Variants in KCNIP1 observed in about 807,000 individuals in gnomAD.
KCNIP1 encodes potassium voltage-gated channel interacting protein 1.
KCNIP1 carries 18 observed loss-of-function variants against 33.0 expected under a neutral mutation model. That is an observed-to-expected ratio of 0.55 (90% CI 0.38 to 0.81). The LOEUF (loss-of-function observed/expected upper bound fraction) is 0.81, where lower values mean the gene tolerates loss of function less well. KCNIP1 is among the 30% of genes least tolerant of loss of function. The probability of loss-of-function intolerance (pLI) is 0.00; values close to 1 mark genes in which losing one functional copy is unlikely to be tolerated. For missense variants in KCNIP1, 238 were observed against 271.6 expected (o/e 0.88, Z 0.87); for synonymous variants, 93 against 98.3 (o/e 0.95, Z 0.32).
At chr5:170,519,484 A>G (rs1032148224) in intron 1 of KCNIP1, among the ~76,000 whole-genome samples, 3 of 152,208 alleles carry the variant, frequency 2.0e-5, no homozygotes, top group African/African-American at 7.2e-5. Flanking sequence ...GCCCTAGGGA[A>G]GTATTTCTGC....
At chr5:170,552,636 A>C (rs1756690862) in intron 1 of KCNIP1, among the ~76,000 whole-genome samples, 1 of 152,124 alleles carries the variant, frequency 6.6e-6, no homozygotes, top group South Asian at 2.1e-4. Context: ...GGACCACAGG[A>C]AATGCAGGAA....
chr5:170,493,194 C>T (rs985454357), intron 1 of KCNIP1, among the ~76,000 whole-genome samples: 18 of 152,108 alleles, frequency 1.2e-4, no homozygotes, highest in African/African-American at 2.4e-4. Flanking sequence ...CCACCAAATG[C>T]GAGCTCCCCC....
chr5:170,353,906 T>C (rs1157174587), exon 1 of KCNIP1: 1 of 1,614,086 alleles, frequency 6.2e-7, no homozygotes, highest in African/African-American at 1.3e-5. Context: ...GATGCAAGCT[T>C]GGGTTCGTGA....
At chr5:170,538,848 A>G (rs1165205693) in intron 1 of KCNIP1, among the ~76,000 whole-genome samples, 1 of 151,460 alleles carries the variant, frequency 6.6e-6, no homozygotes, top group African/African-American at 2.4e-5. Context: ...GCAGTCATTC[A>G]TTAATTGAAC....
chr5:170,516,186 C>T lies in KCNIP1; in HGVS notation c.61+11553C>T, dbSNP rs150230392. 3.0e-3 allele frequency among the ~76,000 whole-genome samples: 452 copies of T among 152,220 alleles called. 3 individuals carry two copies. Among genetic ancestry groups the T allele is most frequent in the Non-Finnish European group, 4.3e-3 (295 of 67,998 alleles). On this transcript the variant is annotated intron_variant, in intron 1 of 7. Transcript: ENST00000328939. ...AGGAAAGCACCAAGCAAGTAGGGATCGAGACTGTGCCCTCTCAGCACCACC... is the reference window on the plus strand; with the variant it reads ...AGGAAAGCACCAAGCAAGTAGGGATTGAGACTGTGCCCTCTCAGCACCACC...
At chr5:170,518,272 C>T (rs1206753787) in intron 1 of KCNIP1, among the ~76,000 whole-genome samples, 3 of 152,166 alleles carry the variant, frequency 2.0e-5, no homozygotes, top group Admixed American at 2.0e-4. Flanking sequence ...TCCAAACTAT[C>T]TTCTTTGACT....
chr5:170,431,204 G>C (rs916348998), intron 1 of KCNIP1, among the ~76,000 whole-genome samples: 1 of 152,268 alleles, frequency 6.6e-6, no homozygotes, highest in African/African-American at 2.4e-5. Context: ...TAGGCTGGCG[G>C]AGGAGCCAGA....
rs752941135 is a variant in KCNIP1 at position 170,718,891 on chromosome 5, C to T, written c.186+9C>T. ...ATCGAGGCTTCAAAAATGTAAGACC[C>T]GTGCACGCTCTGAAGGCCTGGGGGG... On this transcript the variant is annotated intron_variant, in intron 2 of 7. Transcript: ENST00000328939. The T allele has an allele frequency of 1.0e-5, 16 of 1,605,464 alleles. No individual in the cohort carries two copies. Among genetic ancestry groups the T allele is most frequent in the East Asian group, 9.0e-5 (4 of 44,526 alleles).
chr5:170,569,066 C>A (rs942314853), intron 1 of KCNIP1, among the ~76,000 whole-genome samples: 2 of 152,164 alleles, frequency 1.3e-5, no homozygotes, highest in African/African-American at 4.8e-5. Context: ...TGTCTCTCTT[C>A]CCTCAGAAAG....
intron 1 of KCNIP1, among the ~76,000 whole-genome samples, chr5:170,414,060 A>G (rs1337307889): frequency 1.3e-5 from 2 of 152,194 alleles, no homozygotes; most frequent in South Asian, 4.1e-4. Flanking sequence ...ATGGAGTGTC[A>G]GGAGCCCTGC....
intron 1 of KCNIP1, among the ~76,000 whole-genome samples, chr5:170,658,780 TCCA>T (rs1376583404): frequency 6.6e-6 from 1 of 152,110 alleles, no homozygotes; most frequent in African/African-American, 2.4e-5. Context: ...GCCAAATGAC[TCCA>T]CCAGATTTGC....
chr5:170,600,589 A>C (rs1304506785), intron 1 of KCNIP1, among the ~76,000 whole-genome samples: 1 of 151,622 alleles, frequency 6.6e-6, no homozygotes. Context: ...CTCACACCAC[A>C]CTTCTCACAT....
chr5:170,435,880 C>T (rs113353355), intron 1 of KCNIP1, among the ~76,000 whole-genome samples: 2,074 of 152,130 alleles, frequency 0.014, 50 homozygotes, highest in African/African-American at 0.048. Context: ...TGTTTTCATG[C>T]GCAGGGAGGC....
chr5:170,660,006 T>C (rs1005081859), intron 1 of KCNIP1, among the ~76,000 whole-genome samples: 1 of 152,076 alleles, frequency 6.6e-6, no homozygotes, highest in Admixed American at 6.5e-5. Context: ...ACCGTTTCCA[T>C]GGCCCACAGA....
intron 1 of KCNIP1, among the ~76,000 whole-genome samples, chr5:170,453,774 C>T (rs1397590418): frequency 6.6e-6 from 1 of 152,192 alleles, no homozygotes; most frequent in Non-Finnish European, 1.5e-5. Flanking sequence ...ATGAAGACTT[C>T]CACGTGGCAA....
intron 4 of KCNIP1, 128 bp from the exon 5 acceptor site, chr5:170,722,585 C>G: frequency 1.4e-6 from 1 of 716,816 alleles, no homozygotes; most frequent in Non-Finnish European, 2.5e-6. Flanking sequence ...ATAGCCACAT[C>G]CTCCAGGCAG....
At chr5:170,442,640 A>C (rs1553532) in intron 1 of KCNIP1, among the ~76,000 whole-genome samples, 51,027 of 151,918 alleles carry the variant, frequency 0.34, 9,313 homozygotes, top group South Asian at 0.49. Context: ...CATTTCTGCC[A>C]AGACAATCTG....
intron 1 of KCNIP1, among the ~76,000 whole-genome samples, chr5:170,425,675 C>G (rs993880198): frequency 2.0e-5 from 3 of 152,210 alleles, no homozygotes; most frequent in African/African-American, 7.2e-5. Context: ...TGCAACTCCA[C>G]CCTCCCTCCT....
chr5:170,489,141 C>T lies in KCNIP1; in HGVS notation c.88+135177C>T, dbSNP rs1757155319. ...CCAGGCGGGGAGGCTGACCCAATGG[C>T]CCCGGAATGGTGATGGAGCAGCCTG... is the stretch of plus-strand genomic sequence containing the variant. On this transcript the variant is annotated intron_variant, in intron 1 of 7. Coordinates refer to the KCNIP1 transcript ENST00000377360. This position sits in a 1 kb window ranked among gnomAD's most constrained non-coding sequence, Gnocchi z 4.3. 6.6e-6 allele frequency among the ~76,000 whole-genome samples: 1 copy of T among 152,146 alleles called. No individual in the cohort carries two copies.
Sources: gnomAD v4.1 joint callset for allele counts (sites outside exome capture counted in the v4.1 genomes callset) on GRCh38, gnomAD v4.1.1 for gene constraint, Gnocchi (gnomAD v3.1) non-coding constraint, MANE v1.5 for transcripts, NCBI Gene and HGNC (gene_info 2026-07-23, HGNC 2026-07-21) for gene names.